Variants in ZNF467 observed in about 807,000 individuals in gnomAD.
ZNF467 encodes zinc finger protein 467.
In ZNF467, 51 loss-of-function variants were observed where a neutral mutation model predicts 47.8. The observed-to-expected ratio is 1.07, with a 90% CI of 0.85 to 1.35. The LOEUF is 1.35. Ranked by LOEUF, ZNF467 falls within the 40% of genes most tolerant of loss-of-function variation. The pLI, the probability that ZNF467 is intolerant of heterozygous loss-of-function variation, is 0.00. For missense variants in ZNF467, 992 were observed against 858.1 expected, an observed-to-expected ratio of 1.16 and a Z score of -1.95; for synonymous variants, 416 against 372.9, an observed-to-expected ratio of 1.12 and a Z score of -1.33.
Position 149,764,975 on chromosome 7 carries a change from G to C in ZNF467, c.1527C>G (p.His509Gln), listed in dbSNP as rs1402130919. 2 of 1,591,730 alleles carry C rather than the reference G, an allele frequency of 1.3e-6. No homozygotes were observed. The highest frequency in any genetic ancestry group is 2.7e-5 in the African/African-American group (2 of 74,116). The change falls in exon 5 of 5, where the codon CAC (histidine) becomes CAG (glutamine). Residue 509 changes from histidine (H) to glutamine (Q), a missense_variant. Coordinates refer to ENST00000302017, the MANE Select transcript of ZNF467 (RefSeq NM_207336.3). ...CGCAGGCGTGGGGGCGGCTGCCAGT[G>C]TGCACCGCCTGGTGGCGGCCCAGGT... ...KSHLGRHQAVHTGSRPHACAV... is the reference protein window; with the variant it reads ...KSHLGRHQAVQTGSRPHACAV...
chr7:149,773,512 G>C lies in ZNF467; in HGVS notation c.-447C>G, dbSNP rs1404190117. The C allele has an allele frequency of 9.1e-6, 1 of 110,296 alleles. No individual in the cohort carries two copies. Among genetic ancestry groups the C allele is most frequent in the African/African-American group, 4.2e-5 (1 of 23,652 alleles). The allele number at this position is 110,296 out of a possible 1,614,324, so 6.8% of individuals were successfully genotyped here. Reference sequence around the variant, plus strand: ...GGGAGGGGAGGGGAGGGGAGGGGAGGGTGATGGGAGAGGGGGTGGAGGAGG... The same window carrying C: ...GGGAGGGGAGGGGAGGGGAGGGGAGCGTGATGGGAGAGGGGGTGGAGGAGG... On this transcript the variant is annotated 5_prime_UTR_variant, in exon 1 of 5. Transcript: ENST00000302017.
upstream of ZNF467, chr7:149,776,004 C>A: frequency 7.4e-7 from 1 of 1,355,918 alleles, no homozygotes; most frequent in Non-Finnish European, 9.9e-7. Flanking sequence ...GAGCCCAAGC[C>A]TCACGTTCCC....
rs1446606659 is a variant in ZNF467 at position 149,764,296 on chromosome 7, G to GGAGGT, written c.*413_*417dup. The GGAGGT allele has an allele frequency of 1.3e-4, 51 of 392,616 alleles. No individual in the cohort carries two copies. The highest frequency in any genetic ancestry group is 2.2e-4 in the Non-Finnish European group (50 of 223,152). 24.3% of individuals were successfully genotyped at this position (392,616 alleles called of 1,614,324 possible). A position where few individuals can be genotyped will look rare whatever the true frequency, so the allele number is the denominator to read the frequency against. ...GGAGGGGGGTGGTCTGTGTGTGGAT[G>GGAGGT]GAGGTGGGACAGTGGCTAAGGAGAG... On this transcript the variant is annotated 3_prime_UTR_variant, in exon 5 of 5. Transcript: ENST00000302017.
In ZNF467 at chr7:149,764,320, AGT is replaced by A; in HGVS notation, c.*392_*393del. ...TGGAGGTGGGACAGTGGCTAAGGAG[AGT>A]CAGGTGTTCCCTCCCCCAATTCATT... On this transcript the variant is annotated 3_prime_UTR_variant, in exon 5 of 5. Coordinates refer to ENST00000302017, the MANE Select transcript of ZNF467 (RefSeq NM_207336.3). 26 of 524,614 alleles carry A rather than the reference AGT, an allele frequency of 5.0e-5. No individual in the cohort carries two copies. The highest frequency in any genetic ancestry group is 1.4e-4 in the South Asian group (5 of 34,610). The allele number at this position is 524,614 out of a possible 1,614,324, so 32.5% of individuals were successfully genotyped here. A position where few individuals can be genotyped will look rare whatever the true frequency, so the allele number is the denominator to read the frequency against.
upstream of ZNF467, among the ~76,000 whole-genome samples, chr7:149,775,023 C>T (rs860624): frequency 0.21 from 31,276 of 152,122 alleles, 4,284 homozygotes; most frequent in African/African-American, 0.4. Context: ...GCTCAGAGCT[C>T]TGCTGGGACC....
In ZNF467 at chr7:149,764,333, C is replaced by T; in HGVS notation, c.*381G>A. 1 of 530,880 alleles carries T rather than the reference C, an allele frequency of 1.9e-6. No individual in the cohort carries two copies. Among genetic ancestry groups the T allele is most frequent in the Non-Finnish European group, 3.3e-6 (1 of 302,634 alleles). The allele number at this position is 530,880 out of a possible 1,614,324, so 32.9% of individuals were successfully genotyped here. ...GTGGCTAAGGAGAGTCAGGTGTTCCCTCCCCCAATTCATTTAGCAGCCCCA... is the reference window on the plus strand; with the variant it reads ...GTGGCTAAGGAGAGTCAGGTGTTCCTTCCCCCAATTCATTTAGCAGCCCCA... On this transcript the variant is annotated 3_prime_UTR_variant, in exon 5 of 5. Transcript: ENST00000302017.
chr7:149,765,663 C>G lies in ZNF467; in HGVS notation c.839G>C (p.Arg280Pro). 1.2e-6 allele frequency: 2 copies of G among 1,612,306 alleles called. No homozygotes were observed. The highest frequency in any genetic ancestry group is 2.2e-5 in the South Asian group (2 of 90,812). Residue 280 changes from arginine to proline, a missense_variant, in exon 5 of 5, where the codon CGC becomes CCC. Physicochemically the swap from Arg to Pro is moderately radical, Grantham distance 103 (BLOSUM62 -2). Transcript: ENST00000302017. ...RPFPCTECEK[R>P]FRKKTHLIRH... ...AATCAAGTGCGTCTTCTTGCGAAAG[C>G]GCTTCTCGCATTCCGTGCAGGGGAA...
chr7:149,766,009 A>G lies in ZNF467; in HGVS notation c.493T>C (p.Cys165Arg), dbSNP rs774283723. 1 of 1,568,826 alleles carries G rather than the reference A, an allele frequency of 6.4e-7. No homozygotes were observed. The highest frequency in any genetic ancestry group is 1.4e-5 in the African/African-American group (1 of 73,620). Reference sequence around the variant, plus strand: ...AGCTGGTCCCGGAAGCGCCGCTCACACTCCCCGCAGCCGTAGGGCTTCTCC... The same window carrying G: ...AGCTGGTCCCGGAAGCGCCGCTCACGCTCCCCGCAGCCGTAGGGCTTCTCC... ...MPEKPYGCGECERRFRDQLTL... is the reference protein window; with the variant it reads ...MPEKPYGCGERERRFRDQLTL... Residue 165 changes from cysteine to arginine, a missense_variant, in exon 5 of 5, where the codon TGT becomes CGT. By Grantham distance (180) the Cys-to-Arg change is radical (BLOSUM62 -3). Transcript: ENST00000302017.
In ZNF467 at chr7:149,765,894, A is replaced by T; in HGVS notation, c.608T>A (p.Met203Lys). 6.3e-7 allele frequency: 1 copy of T among 1,583,070 alleles called. No individual in the cohort carries two copies. The highest frequency in any genetic ancestry group is 8.6e-7 in the Non-Finnish European group (1 of 1,165,438). ...CGRSFTQRAH[M>K]LLHQRSHRGE... Reference sequence around the variant, plus strand: ...GCGGTGGCTGCGCTGATGCAGTAGCATGTGGGCGCGCTGCGTGAAGCTGCG... The same window carrying T: ...GCGGTGGCTGCGCTGATGCAGTAGCTTGTGGGCGCGCTGCGTGAAGCTGCG... Residue 203 changes from methionine to lysine, a missense_variant, in exon 5 of 5, where the codon ATG becomes AAG. Physicochemically the swap from Met to Lys is moderately conservative, Grantham distance 95 (BLOSUM62 -1). Coordinates refer to ENST00000302017, the MANE Select transcript of ZNF467 (RefSeq NM_207336.3).
chr7:149,766,381 G>T lies in ZNF467; in HGVS notation c.263-142C>A, dbSNP rs1044477935. The T allele has an allele frequency of 5.8e-6, 8 of 1,388,576 alleles. No homozygotes were observed. The Admixed American group carries it at 2.5e-4, about 43-fold the overall frequency. 86.0% of individuals were successfully genotyped at this position (1,388,576 alleles called of 1,614,324 possible). On this transcript the variant is annotated intron_variant, in intron 4 of 4. Transcript: ENST00000302017. ...ACGCTTCCCGGGAGTGACCAAATCC[G>T]CAGCTCTTCTCAGGCCCCCTCCTGC...
intron 1 of ZNF467, among the ~76,000 whole-genome samples, chr7:149,772,387 C>A (rs531165253): frequency 2.0e-4 from 23 of 116,608 alleles, no homozygotes; most frequent in African/African-American, 7.6e-4. Flanking sequence ...CTTCCCCTCC[C>A]CCCTCCCAGG....
chr7:149,765,476 G>C lies in ZNF467; in HGVS notation c.1026C>G (p.Ala342=). The change falls in exon 5 of 5, where the codon GCC becomes GCG. Residue 342 remains alanine (A), a synonymous_variant. Transcript: ENST00000302017. ...CGGGAAAGGATGGGGTCGGGGACGG[G>C]GCAGTGGAATGAGGAGAAGCGGACG... ...PDSSASPHST[A]PSPTPSFPGP... is the part of the protein sequence containing the mutation. 6.3e-7 allele frequency: 1 copy of C among 1,586,204 alleles called. No individual in the cohort carries two copies. The highest frequency in any genetic ancestry group is 8.6e-7 in the Non-Finnish European group (1 of 1,167,250).
intron 4 of ZNF467, among the ~76,000 whole-genome samples, chr7:149,767,783 C>T (rs977356136): frequency 1.3e-5 from 2 of 152,184 alleles, no homozygotes; most frequent in African/African-American, 4.8e-5. Flanking sequence ...AAATCCTGGC[C>T]TCAAGCAGTT....
intron 1 of ZNF467, among the ~76,000 whole-genome samples, chr7:149,772,890 G>C (rs1585962441): frequency 1.0e-5 from 1 of 99,232 alleles, no homozygotes; most frequent in Non-Finnish European, 2.0e-5. Flanking sequence ...AGCCCCCCCG[G>C]TCTCCTCTAC....
At chr7:149,772,867 C>T (rs1156808328) in intron 1 of ZNF467, among the ~76,000 whole-genome samples, 1 of 122,982 alleles carries the variant, frequency 8.1e-6, no homozygotes, top group African/African-American at 3.3e-5. Flanking sequence ...TCCCAGCCCC[C>T]GCCCTTCCCT....
intron 3 of ZNF467, 27 bp downstream of exon 3, chr7:149,770,413 A>G (rs750668569): frequency 5.7e-6 from 9 of 1,569,794 alleles, no homozygotes. Flanking sequence ...CTCCTCCCTG[A>G]GCCTTTCCAG....
chr7:149,768,613 TGAGA>T (rs1354603161), intron 4 of ZNF467, among the ~76,000 whole-genome samples: 4 of 152,110 alleles, frequency 2.6e-5, no homozygotes, highest in African/African-American at 9.7e-5. Flanking sequence ...GTGGGATTGT[TGAGA>T]GAGAGTGAGC....
intron 4 of ZNF467, among the ~76,000 whole-genome samples, chr7:149,766,499 T>C (rs562202311): frequency 1.3e-5 from 2 of 152,284 alleles, no homozygotes; most frequent in Non-Finnish European, 2.9e-5. Flanking sequence ...CCAGCACCCC[T>C]GAAGAGGAAG....
At chr7:149,774,127 A>G (rs965853731), upstream of ZNF467, among the ~76,000 whole-genome samples, 4 of 150,322 alleles carry the variant, frequency 2.7e-5, no homozygotes, top group African/African-American at 9.8e-5. The surrounding 1 kb of genome is among the most constrained non-coding windows in gnomAD (Gnocchi z 5.7). Context: ...GGAGGGCTCT[A>G]TGGGCGGGAG....
Sources: allele counts gnomAD v4.1 joint callset (sites outside exome capture counted in the v4.1 genomes callset), GRCh38; gene constraint gnomAD v4.1.1; non-coding constraint Gnocchi (gnomAD v3.1); transcripts MANE v1.5; gene names NCBI Gene and HGNC (gene_info 2026-07-23, HGNC 2026-07-21).